Variants in PEX5L observed in about 807,000 individuals in gnomAD.
PEX5L encodes the protein PEX5-related protein.
PEX5L carries 30 observed loss-of-function variants against 84.0 expected under a neutral mutation model. That is an observed-to-expected ratio of 0.36 (90% confidence interval 0.27 to 0.48). The LOEUF is 0.48. Ranked by LOEUF, PEX5L falls within the 20% of genes least tolerant of loss-of-function variation. The pLI, the probability that PEX5L is intolerant of heterozygous loss-of-function variation, is 0.99. For synonymous variants in PEX5L, 270 were observed against 283.1 expected, an observed-to-expected ratio of 0.95 and a Z score of 0.46; for missense variants, 533 against 754.6, an observed-to-expected ratio of 0.71 and a Z score of 3.44.
intron 8 of PEX5L, among the ~76,000 whole-genome samples, chr3:179,833,484 A>G (rs1577387649): frequency 6.6e-6 from 1 of 152,216 alleles, no homozygotes; most frequent in Non-Finnish European, 1.5e-5. Context: ...TGCTTTAAGG[A>G]TCAATCAATA....
chr3:179,990,369 T>A (rs1787265880), intron 1 of PEX5L, among the ~76,000 whole-genome samples: 1 of 151,864 alleles, frequency 6.6e-6, no homozygotes, highest in Non-Finnish European at 1.5e-5. Flanking sequence ...CATTAGCTCC[T>A]ATTTCTCCTC....
At chr3:179,983,680 T>C (rs898956283) in intron 1 of PEX5L, among the ~76,000 whole-genome samples, 1 of 152,020 alleles carries the variant, frequency 6.6e-6, no homozygotes, top group Non-Finnish European at 1.5e-5. Flanking sequence ...CCCTGGCTTT[T>C]TTTCTTTTTT....
At chr3:180,017,661 C>G (rs1213471111) in intron 1 of PEX5L, among the ~76,000 whole-genome samples, 1 of 151,784 alleles carries the variant, frequency 6.6e-6, no homozygotes, top group African/African-American at 2.4e-5. Flanking sequence ...TTATTTATTT[C>G]TTTATTTTAT....
At position 179,795,469 on chromosome 3, in the gene PEX5L, G is replaced by C. The variant is rs1716568157; in HGVS notation, c.*6359C>G. On this transcript the variant is annotated 3_prime_UTR_variant, in exon 15 of 15. Coordinates refer to ENST00000467460, the MANE Select transcript of PEX5L (RefSeq NM_016559.3). The stretch of plus-strand genomic sequence containing the variant: ...AAAGAGCAACGCAGGGAAATACTAA[G>C]ATGAAGCCTTAATACCCAACAGAGT... 6.6e-6 allele frequency: 1 copy of C among 152,104 alleles called. No homozygotes were observed. Among genetic ancestry groups the C allele is most frequent in the Non-Finnish European group, 1.5e-5 (1 of 68,020 alleles). The allele number at this position is 152,104 out of a possible 1,614,324, so 9.4% of individuals were successfully genotyped here.
chr3:179,863,844 T>G (rs1343637622), intron 7 of PEX5L, among the ~76,000 whole-genome samples: 1 of 152,074 alleles, frequency 6.6e-6, no homozygotes, highest in African/African-American at 2.4e-5. Context: ...TCTGATATGG[T>G]TTGGCTGTGT....
At chr3:179,807,113 C>T (rs542237972) in intron 14 of PEX5L, among the ~76,000 whole-genome samples, 4 of 152,166 alleles carry the variant, frequency 2.6e-5, no homozygotes, top group Non-Finnish European at 5.9e-5. Context: ...ACCTTAACGA[C>T]GAAGGACGAG....
intron 8 of PEX5L, among the ~76,000 whole-genome samples, chr3:179,839,980 G>A (rs981542630): frequency 1.5e-4 from 23 of 152,058 alleles, no homozygotes; most frequent in African/African-American, 4.8e-4. Flanking sequence ...AAGATGCAGA[G>A]ATGAGAATGA....
At chr3:179,884,148 C>T (rs974257929) in intron 4 of PEX5L, among the ~76,000 whole-genome samples, 1 of 152,186 alleles carries the variant, frequency 6.6e-6, no homozygotes, top group Non-Finnish European at 1.5e-5. Context: ...AATCACACAG[C>T]TGGTGTGGTA....
At chr3:179,941,946 G>A (rs1234300227) in intron 2 of PEX5L, among the ~76,000 whole-genome samples, 1 of 149,652 alleles carries the variant, frequency 6.7e-6, no homozygotes, top group Non-Finnish European at 1.5e-5. Context: ...GCTTGAACCC[G>A]GGAGGCGGAG....
chr3:179,994,565 G>A (rs1449593657), intron 1 of PEX5L, among the ~76,000 whole-genome samples: 1 of 152,168 alleles, frequency 6.6e-6, no homozygotes, highest in Non-Finnish European at 1.5e-5. Context: ...GAGGGGCTGG[G>A]CAAGTGAAGG....
In PEX5L at chr3:179,796,738, G is replaced by A. The variant is rs1367951155; in HGVS notation, c.*5090C>T. On this transcript the variant is annotated 3_prime_UTR_variant, in exon 15 of 15. Transcript: ENST00000467460. ...AAAATAGGGGTTATGGGAAAAGGCA[G>A]TGAGAAGATTTCAGAGTTGGTTCTG... is the stretch of plus-strand genomic sequence containing the variant. 3 of 152,164 alleles carry A rather than the reference G, an allele frequency of 2.0e-5. No homozygotes were observed. Among genetic ancestry groups the A allele is most frequent in the African/African-American group, 7.2e-5 (3 of 41,428 alleles). The allele number at this position is 152,164 out of a possible 1,614,324, so 9.4% of individuals were successfully genotyped here.
chr3:179,941,181 T>C (rs577671334), intron 2 of PEX5L, among the ~76,000 whole-genome samples: 1 of 152,354 alleles, frequency 6.6e-6, no homozygotes, highest in East Asian at 1.9e-4. Flanking sequence ...TTAAAATTTG[T>C]TTATTTTATT....
intron 1 of PEX5L, chr3:179,973,604 C>G: frequency 1.0e-6 from 1 of 985,004 alleles, no homozygotes; most frequent in Non-Finnish European, 1.2e-6. Context: ...TTGATTTCCC[C>G]TTTTTAATCT....
At chr3:180,021,952 T>G (rs1291193927) in intron 1 of PEX5L, among the ~76,000 whole-genome samples, 1 of 152,210 alleles carries the variant, frequency 6.6e-6, no homozygotes, top group Non-Finnish European at 1.5e-5. Context: ...ACACATGTAT[T>G]TTAACTCTTA....
intron 1 of PEX5L, among the ~76,000 whole-genome samples, chr3:179,978,602 T>A (rs1786027608): frequency 6.6e-6 from 1 of 152,194 alleles, no homozygotes; most frequent in African/African-American, 2.4e-5. Context: ...TTCTACACAT[T>A]CTTTCCTTCA....
intron 2 of PEX5L, among the ~76,000 whole-genome samples, chr3:179,920,170 G>C (rs1162006924): frequency 6.6e-6 from 1 of 152,192 alleles, no homozygotes; most frequent in African/African-American, 2.4e-5. Flanking sequence ...AGTGGAAAGA[G>C]GGAGCCTCAC....
intron 1 of PEX5L, among the ~76,000 whole-genome samples, chr3:179,981,435 G>A (rs1305254526): frequency 1.3e-5 from 2 of 152,126 alleles, no homozygotes; most frequent in Admixed American, 1.3e-4. Flanking sequence ...ATGACAGCCT[G>A]GAGCCTGTTT....
intron 2 of PEX5L, among the ~76,000 whole-genome samples, chr3:179,936,269 T>C (rs1384896052): frequency 1.3e-5 from 2 of 152,206 alleles, no homozygotes; most frequent in Non-Finnish European, 2.9e-5. Context: ...CAGGTTCATA[T>C]GCTGTCAATG....
chr3:179,797,091 C>G lies in PEX5L; in HGVS notation c.*4737G>C, dbSNP rs533292364. On this transcript the variant is annotated 3_prime_UTR_variant, in exon 15 of 15. Coordinates refer to ENST00000467460, the MANE Select transcript of PEX5L (RefSeq NM_016559.3). ...CATTATTAAGAATTTAAAGTCGAAA[C>G]CTTTATGTGCTGAGGCAGTCAACAT... 9.2e-5 allele frequency: 14 copies of G among 152,168 alleles called. No individual in the cohort carries two copies. In the South Asian group the frequency reaches 2.1e-3, roughly 23 times the overall value. The allele number at this position is 152,168 out of a possible 1,614,324, so 9.4% of individuals were successfully genotyped here. A position where few individuals can be genotyped will look rare whatever the true frequency, so the allele number is the denominator to read the frequency against.
Sources: gnomAD v4.1 joint callset for allele counts (sites outside exome capture counted in the v4.1 genomes callset) on GRCh38, gnomAD v4.1.1 for gene constraint, MANE v1.5 for transcripts, NCBI Gene and HGNC (gene_info 2026-07-23, HGNC 2026-07-21) for gene names.